MAD1L1: variants seen among roughly 807,000 people sequenced by gnomAD.
The protein encoded by MAD1L1 is mitotic spindle assembly checkpoint protein MAD1.
Under a neutral mutation model 96.9 loss-of-function variants are expected in MAD1L1, and 95 were observed. The observed-to-expected ratio is 0.98, with a 90% CI of 0.83 to 1.16. The LOEUF is 1.16. MAD1L1 is among the 50% of genes most tolerant of loss of function. MAD1L1 has a pLI of 0.00. For missense variants in MAD1L1, 1,007 were observed against 954.4 expected (o/e 1.06, Z -0.73); for synonymous variants, 473 against 396.6 (o/e 1.19, Z -2.29).
At chr7:2,110,274 CTG>C (rs1203091102) in intron 11 of MAD1L1, among the ~76,000 whole-genome samples, 1 of 152,240 alleles carries the variant, frequency 6.6e-6, no homozygotes, top group East Asian at 1.9e-4. Flanking sequence ...TGTGGCTGGA[CTG>C]TGCGCTCACA....
intron 10 of MAD1L1, among the ~76,000 whole-genome samples, chr7:2,154,346 GA>G (rs1156846259): frequency 6.6e-6 from 1 of 152,188 alleles, no homozygotes; most frequent in African/African-American, 2.4e-5. Context: ...TGGGTGAGCG[GA>G]ACCACAGATG....
chr7:1,957,579 G>A (rs772122154), intron 16 of MAD1L1, 50 bp downstream of exon 16: 1 of 1,572,968 alleles, frequency 6.4e-7, no homozygotes, highest in Non-Finnish European at 8.7e-7. Flanking sequence ...GACGCCCAAA[G>A]AAATGAGAGG....
At position 2,230,019 on chromosome 7, in the gene MAD1L1, C is replaced by T. The variant is rs1485780135; in HGVS notation, c.115G>A (p.Gly39Ser). ...SGLDISTSAP[G>S]SLQMQYQQSM... Reference sequence around the variant, plus strand: ...TGCTGGTACTGCATCTGCAGAGAACCTGGGGCCGAGGTAGAAATATCCAGT... The same window carrying T: ...TGCTGGTACTGCATCTGCAGAGAACTTGGGGCCGAGGTAGAAATATCCAGT... The change falls in exon 3 of 19, where the codon GGT becomes AGT. Residue 39 changes from glycine (G) to serine (S), a missense_variant. Transcript: ENST00000265854. 3 of 1,613,522 alleles carry T rather than the reference C, an allele frequency of 1.9e-6. No individual in the cohort carries two copies. Among genetic ancestry groups the T allele is most frequent in the Non-Finnish European group, 2.5e-6 (3 of 1,180,030 alleles).
intron 18 of MAD1L1, among the ~76,000 whole-genome samples, chr7:1,887,094 G>C (rs971556254): frequency 6.6e-6 from 1 of 152,266 alleles, no homozygotes; most frequent in South Asian, 2.1e-4. Context: ...ACTCACTCAG[G>C]CTAGGGGGGC....
intron 16 of MAD1L1, among the ~76,000 whole-genome samples, chr7:1,954,779 C>A (rs570293618): frequency 6.6e-6 from 1 of 152,206 alleles, no homozygotes; most frequent in Non-Finnish European, 1.5e-5. Flanking sequence ...AGAGAGGGGG[C>A]GCCAGAAGCC....
chr7:1,830,755 TAC>T (rs1459515015), intron 18 of MAD1L1, among the ~76,000 whole-genome samples: 1 of 151,450 alleles, frequency 6.6e-6, no homozygotes, highest in African/African-American at 2.4e-5. Flanking sequence ...CTGTAAAAAA[TAC>T]AGTTAACAAA....
chr7:1,933,587 C>T (rs947717604), intron 17 of MAD1L1, among the ~76,000 whole-genome samples: 2 of 152,186 alleles, frequency 1.3e-5, no homozygotes, highest in Admixed American at 1.3e-4. Flanking sequence ...GACTGCCGGC[C>T]GCCCCCAGGC....
chr7:2,204,427 G>A (rs1025030352), intron 10 of MAD1L1, among the ~76,000 whole-genome samples: 2 of 152,172 alleles, frequency 1.3e-5, no homozygotes, highest in African/African-American at 2.4e-5. Context: ...CATCCATTAC[G>A]CCAAAGGGTA....
At chr7:1,860,585 C>A (rs1784497984) in intron 18 of MAD1L1, among the ~76,000 whole-genome samples, 2 of 152,178 alleles carry the variant, frequency 1.3e-5, no homozygotes, top group African/African-American at 4.8e-5. Flanking sequence ...TGTTCTTCCC[C>A]AGTGAAGGTC....
intron 11 of MAD1L1, among the ~76,000 whole-genome samples, chr7:2,090,102 G>A (rs1562676476): frequency 6.6e-6 from 1 of 152,246 alleles, no homozygotes; most frequent in South Asian, 2.1e-4. Flanking sequence ...TTAGGAAGAA[G>A]TCATTCACCG....
At chr7:2,156,718 G>C (rs890868707) in intron 10 of MAD1L1, among the ~76,000 whole-genome samples, 2 of 151,900 alleles carry the variant, frequency 1.3e-5, no homozygotes, top group African/African-American at 4.8e-5. Flanking sequence ...CTACTCAGGA[G>C]GCTGAGGCAG....
chr7:2,072,913 C>T (rs2398709), intron 11 of MAD1L1, among the ~76,000 whole-genome samples: 44,771 of 152,206 alleles, frequency 0.29, 7,902 homozygotes, highest in East Asian at 0.51. Flanking sequence ...GGAGTCCCCC[C>T]GCCACGCAGA....
chr7:2,005,420 T>C (rs900165218), intron 13 of MAD1L1, among the ~76,000 whole-genome samples: 1 of 152,196 alleles, frequency 6.6e-6, no homozygotes, highest in Non-Finnish European at 1.5e-5. Flanking sequence ...CTTTGGTGTA[T>C]TGTGTTATAT....
intron 18 of MAD1L1, among the ~76,000 whole-genome samples, chr7:1,873,810 C>T (rs1217326698): frequency 2.6e-5 from 4 of 152,124 alleles, no homozygotes; most frequent in Admixed American, 2.6e-4. Flanking sequence ...GTTTGGGGAG[C>T]AGGCAGGGCT....
chr7:1,952,913 T>C (rs1028405608), intron 16 of MAD1L1, among the ~76,000 whole-genome samples: 2 of 152,058 alleles, frequency 1.3e-5, no homozygotes, highest in Non-Finnish European at 2.9e-5. Flanking sequence ...CCTGAGGAGG[T>C]TGGCTCAGAG....
At chr7:2,111,929 T>A (rs1787403785) in intron 11 of MAD1L1, among the ~76,000 whole-genome samples, 1 of 152,166 alleles carries the variant, frequency 6.6e-6, no homozygotes, top group Admixed American at 6.5e-5. Context: ...CAAGGAAAAG[T>A]AAGAGTTTAG....
chr7:2,009,327 G>A (rs760303144), intron 13 of MAD1L1, among the ~76,000 whole-genome samples: 3 of 152,194 alleles, frequency 2.0e-5, no homozygotes, highest in Non-Finnish European at 2.9e-5. Flanking sequence ...CAGGACAGCC[G>A]GACTGAGGAG....
At chr7:2,135,423 T>C (rs1418265458) in intron 11 of MAD1L1, among the ~76,000 whole-genome samples, 1 of 152,278 alleles carries the variant, frequency 6.6e-6, no homozygotes, top group African/African-American at 2.4e-5. Flanking sequence ...CATAAATATA[T>C]TTTGTTAAGT....
At chr7:1,902,408 C>A (rs1787301617) in intron 17 of MAD1L1, among the ~76,000 whole-genome samples, 4 of 152,244 alleles carry the variant, frequency 2.6e-5, no homozygotes, top group South Asian at 2.1e-4. Flanking sequence ...CAGCTGTGAC[C>A]CACGGGGATA....
Sources: gnomAD v4.1 joint callset for allele counts (sites outside exome capture counted in the v4.1 genomes callset) on GRCh38, gnomAD v4.1.1 for gene constraint, MANE v1.5 for transcripts, NCBI Gene and HGNC (gene_info 2026-07-23, HGNC 2026-07-21) for gene names.